RMDN1: variants seen among roughly 807,000 people sequenced by gnomAD.
The protein encoded by RMDN1 is regulator of microtubule dynamics protein 1.
A neutral mutation model predicts 48.9 loss-of-function variants in RMDN1; 48 were observed. The observed-to-expected ratio is 0.98, with a 90% confidence interval of 0.78 to 1.25. RMDN1 has a LOEUF of 1.25. RMDN1 is among the 50% of genes most tolerant of loss of function. The pLI is 0.00. For synonymous variants in RMDN1, 148 were observed against 132.6 expected (o/e 1.12, Z -0.80); for missense variants, 418 against 373.4 (o/e 1.12, Z -0.98).
At chr8:86,498,042 G>C in intron 2 of RMDN1, among the ~76,000 whole-genome samples, 1 of 152,222 alleles carries the variant, frequency 6.6e-6, no homozygotes. Context: ...GCTGCAGTGA[G>C]CCGAGATCGT....
At chr8:86,474,512 T>C in intron 9 of RMDN1, 154 bp from the exon 10 acceptor site, 1 of 699,484 alleles carries the variant, frequency 1.4e-6, no homozygotes, top group Non-Finnish European at 2.5e-6. Flanking sequence ...GATGAGACTC[T>C]CAGCTCTTCC....
At chr8:86,476,001 TTGAGTGA>T (rs956913153) in intron 8 of RMDN1, among the ~76,000 whole-genome samples, 7 of 152,110 alleles carry the variant, frequency 4.6e-5, no homozygotes, top group African/African-American at 1.7e-4. Flanking sequence ...GTTCATAGTA[TTGAGTGA>T]TAAGTATCAC....
At chr8:86,493,437 A>T (rs1028426233) in intron 2 of RMDN1, among the ~76,000 whole-genome samples, 8 of 152,316 alleles carry the variant, frequency 5.3e-5, no homozygotes, top group South Asian at 4.1e-4. Flanking sequence ...GCCCGTTAAT[A>T]GATGAATGGA....
At chr8:86,500,066 C>T (rs978159276) in intron 2 of RMDN1, among the ~76,000 whole-genome samples, 1 of 151,990 alleles carries the variant, frequency 6.6e-6, no homozygotes, top group Non-Finnish European at 1.5e-5. Context: ...ATAAGACCTA[C>T]AACTATAAAA....
chr8:86,507,713 T>A (rs757864270), intron 1 of RMDN1, among the ~76,000 whole-genome samples: 28 of 152,160 alleles, frequency 1.8e-4, no homozygotes, highest in Non-Finnish European at 3.8e-4. Context: ...TTAGAACTCC[T>A]CCCATCTCTC....
At chr8:86,468,818 C>A, downstream of RMDN1, 1 of 412,116 alleles carries the variant, frequency 2.4e-6, no homozygotes, top group Non-Finnish European at 4.7e-6. Flanking sequence ...ATTTATCTAC[C>A]CAGTAGCAGT....
intron 4 of RMDN1, among the ~76,000 whole-genome samples, chr8:86,485,798 A>G (rs1038892505): frequency 6.6e-6 from 1 of 152,198 alleles, no homozygotes; most frequent in Non-Finnish European, 1.5e-5. Flanking sequence ...GGAAAGTCAC[A>G]AGACTTAGGA....
intron 7 of RMDN1, chr8:86,477,600 C>T (rs942415233): frequency 1.6e-5 from 5 of 321,612 alleles, no homozygotes; most frequent in Non-Finnish European, 2.8e-5. Flanking sequence ...AAGGAAAGAA[C>T]ATTATCACGT....
exon 1 of RMDN1, chr8:86,514,324 A>ATGCAG: frequency 4.2e-6 from 4 of 955,020 alleles, no homozygotes; most frequent in Non-Finnish European, 5.0e-6. Flanking sequence ...AGGAGCTGAC[A>ATGCAG]TGCAGCCCGG....
At chr8:86,498,873 A>AAC (rs1554591635) in intron 2 of RMDN1, among the ~76,000 whole-genome samples, 3 of 151,816 alleles carry the variant, frequency 2.0e-5, no homozygotes, top group African/African-American at 4.8e-5. Flanking sequence ...ATACACCACA[A>AAC]AAGTAGGCTT....
At chr8:86,486,702 G>T in intron 3 of RMDN1, 59 bp from the exon 4 acceptor site, 3 of 1,357,032 alleles carry the variant, frequency 2.2e-6, no homozygotes, top group South Asian at 1.7e-5. Flanking sequence ...ATTGTTAAGG[G>T]TTACATTACT....
At position 86,473,315 on chromosome 8, in the gene RMDN1, G is replaced by C; in HGVS notation, c.*993C>G. The stretch of plus-strand genomic sequence containing the variant: ...CAAAACTTAAAAAGATTTTGCAGTG[G>C]TGGCACTCCAGCCTCAAGTGAGTAG... On this transcript the variant is annotated 3_prime_UTR_variant, in exon 10 of 10. Coordinates refer to ENST00000406452, the MANE Select transcript of RMDN1 (RefSeq NM_016033.3). 2 of 985,382 alleles carry C rather than the reference G, an allele frequency of 2.0e-6. No individual in the cohort carries two copies. Among genetic ancestry groups the C allele is most frequent in the Non-Finnish European group, 2.4e-6 (2 of 829,924 alleles). 61.0% of individuals were successfully genotyped at this position (985,382 alleles called of 1,614,324 possible). A position where few individuals can be genotyped will look rare whatever the true frequency, so the allele number is the denominator to read the frequency against.
chr8:86,474,852 C>T lies in RMDN1; in HGVS notation c.862G>A (p.Asp288Asn). 6.2e-7 allele frequency: 1 copy of T among 1,612,848 alleles called. No individual in the cohort carries two copies. Reference protein sequence around the residue: ...LAAFWLMKAKDYPAHTEEDKQ... With the variant: ...LAAFWLMKAKNYPAHTEEDKQ... ...TCCTCCTCTGTGTGTGCTGGATAGTCCTTGGCTTTCATTAGCCAGAAAGCA... is the reference window on the plus strand; with the variant it reads ...TCCTCCTCTGTGTGTGCTGGATAGTTCTTGGCTTTCATTAGCCAGAAAGCA... The change falls in exon 9 of 10, where the codon GAC (aspartate) becomes AAC (asparagine). Residue 288 changes from aspartate to asparagine, a missense_variant. By Grantham distance (23) the Asp-to-Asn change is conservative. Transcript: ENST00000406452.
At chr8:86,486,327 T>C (rs1815448925) in intron 4 of RMDN1, among the ~76,000 whole-genome samples, 157 bp downstream of exon 4, 1 of 151,886 alleles carries the variant, frequency 6.6e-6, no homozygotes, top group Non-Finnish European at 1.5e-5. Flanking sequence ...CCTACTTCTT[T>C]AAAATAGAGA....
chr8:86,483,345 G>A (rs1814893746), intron 5 of RMDN1, among the ~76,000 whole-genome samples: 1 of 151,904 alleles, frequency 6.6e-6, no homozygotes, highest in Admixed American at 6.6e-5. Context: ...TATTCCCTTT[G>A]GAAGTTATGT....
At chr8:86,486,383 AAAAT>A (rs1815461784) in intron 4 of RMDN1, 97 bp downstream of exon 4, 1 of 835,584 alleles carries the variant, frequency 1.2e-6, no homozygotes, top group African/African-American at 1.8e-5. Context: ...AAAAAAACTT[AAAAT>A]AGAGAAATTG....
intron 6 of RMDN1, 33 bp downstream of exon 6, chr8:86,480,244 A>AT: frequency 8.9e-7 from 1 of 1,121,078 alleles, no homozygotes; most frequent in Non-Finnish European, 1.3e-6. Context: ...ATCACACTAA[A>AT]TACTACTGAA....
intron 2 of RMDN1, among the ~76,000 whole-genome samples, 174 bp from the exon 3 acceptor site, chr8:86,488,813 AATAAGCATAATGCT>A (rs1815957749): frequency 6.6e-6 from 1 of 152,234 alleles, no homozygotes; most frequent in Non-Finnish European, 1.5e-5. Flanking sequence ...ACAAAGTAGA[AATAAGCATAATGCT>A]ATCATAAAAA....
chr8:86,468,817 C>A, downstream of RMDN1: 2 of 418,172 alleles, frequency 4.8e-6, no homozygotes, highest in South Asian at 1.7e-5. Context: ...GATTTATCTA[C>A]CCAGTAGCAG....
Sources: allele counts gnomAD v4.1 joint callset (sites outside exome capture counted in the v4.1 genomes callset), GRCh38; gene constraint gnomAD v4.1.1; transcripts MANE v1.5; gene names NCBI Gene and HGNC (gene_info 2026-07-23, HGNC 2026-07-21).